CREBZF: variants seen among roughly 807,000 people sequenced by gnomAD.
The protein encoded by CREBZF is HCF-binding transcription factor Zhangfei.
In CREBZF, 8 loss-of-function variants were observed where a neutral mutation model predicts 21.1. The ratio of observed to expected loss-of-function variants is 0.38; its 90% CI spans 0.22 to 0.68. CREBZF has a LOEUF of 0.68. Among genes scored for constraint, CREBZF ranks in the 30% least tolerant of loss-of-function variants. The probability of loss-of-function intolerance (pLI) is 0.51; values close to 1 mark genes in which losing one functional copy is unlikely to be tolerated. For missense variants in CREBZF, 518 were observed against 484.3 expected (o/e 1.07, Z -0.65); for synonymous variants, 270 against 223.3 (o/e 1.21, Z -1.86).
intron 1 of CREBZF, among the ~76,000 whole-genome samples, chr11:85,675,667 C>A (rs940598457): frequency 6.6e-6 from 1 of 152,050 alleles, no homozygotes; most frequent in Non-Finnish European, 1.5e-5. Flanking sequence ...TAGACATGCT[C>A]AACTTATGGT....
chr11:85,668,419 C>T (rs1348339800), upstream of CREBZF, among the ~76,000 whole-genome samples: 1 of 152,140 alleles, frequency 6.6e-6, no homozygotes, highest in Non-Finnish European at 1.5e-5. Flanking sequence ...CTATGTAGGA[C>T]AGCTATTTGT....
Position 85,664,304 on chromosome 11 carries a change from C to T in CREBZF, c.572G>A (p.Gly191Glu). The T allele has an allele frequency of 6.2e-7, 1 of 1,612,104 alleles. No homozygotes were observed. Among genetic ancestry groups the T allele is most frequent in the African/African-American group, 1.3e-5 (1 of 74,994 alleles). Reference protein sequence around the residue: ...SAEKRRRKSPGGGGGGGSGND... With the variant: ...SAEKRRRKSPEGGGGGGSGND... ...ACCGCTGCCGCCACCGCCGCCTCCT[C>T]CTGGGGACTTTCTCCGCCTCTTTTC... The change falls in exon 1 of 1, where the codon GGA becomes GAA. Residue 191 changes from glycine (G) to glutamate (E), a missense_variant. Transcript: ENST00000527447. This position sits in a 1 kb window ranked among gnomAD's most constrained non-coding sequence, Gnocchi z 5.5.
At position 85,663,289 on chromosome 11, in the gene CREBZF, C is replaced by G. The variant is rs2082739593; in HGVS notation, c.*522G>C. ...TGGGGACAGAAGAGCTAGGTACACG[C>G]AAGTCTGAATAAGGGGACACATTAA... On this transcript the variant is annotated 3_prime_UTR_variant, in exon 1 of 1. Coordinates refer to ENST00000527447, the MANE Select transcript of CREBZF (RefSeq NM_001039618.4). 1 of 566,656 alleles carries G rather than the reference C, an allele frequency of 1.8e-6. No individual in the cohort carries two copies. The highest frequency in any genetic ancestry group is 3.1e-5 in the Admixed American group (1 of 32,166). 35.1% of individuals were successfully genotyped at this position (566,656 alleles called of 1,614,324 possible).
In CREBZF at chr11:85,664,228, G is replaced by A. The variant is rs780854731; in HGVS notation, c.648C>T (p.Ala216=). 6.2e-6 allele frequency: 10 copies of A among 1,612,338 alleles called. No individual in the cohort carries two copies. The highest frequency in any genetic ancestry group is 2.2e-5 in the South Asian group (2 of 91,046). ...TCTTCAGTCGATTAAGGCGGGCAGC[G>A]GCCGCCGCCGCCTTCCGGGGACTCT... The part of the protein sequence containing the change: ...ATKSPRKAAA[A]AARLNRLKKK... The change falls in exon 1 of 1, where the codon GCC becomes GCT. Residue 216 remains alanine, a synonymous_variant. Transcript: ENST00000527447. This position sits in a 1 kb window ranked among gnomAD's most constrained non-coding sequence, Gnocchi z 5.5.
Position 85,658,952 on chromosome 11 carries a change from A to C in CREBZF, c.*4859T>G, listed in dbSNP as rs1384124642. The stretch of plus-strand genomic sequence containing the variant: ...TCAACAAAAAGTATGGAATATTTTA[A>C]GACAATAAAGAGTGACTGGTGTTGA... On this transcript the variant is annotated 3_prime_UTR_variant, in exon 1 of 1. Transcript: ENST00000527447. Among the ~76,000 whole-genome samples the C allele has an allele frequency of 1.3e-5, 2 of 152,104 alleles. No individual in the cohort carries two copies. The highest frequency in any genetic ancestry group is 2.9e-5 in the Non-Finnish European group (2 of 67,932).
At chr11:85,672,650 A>C (rs892322087) in intron 1 of CREBZF, among the ~76,000 whole-genome samples, 1 of 152,208 alleles carries the variant, frequency 6.6e-6, no homozygotes, top group Admixed American at 6.5e-5. Context: ...CTGGTTGGTC[A>C]TGGAGGGAGG....
At position 85,664,228 on chromosome 11, in the gene CREBZF, G is replaced by GGCCGCC. The variant is rs759281796; in HGVS notation, c.642_647dup (p.Ala217_Ala218dup). 3 of 1,612,456 alleles carry GGCCGCC rather than the reference G, an allele frequency of 1.9e-6. No homozygotes were observed. The highest frequency in any genetic ancestry group is 2.2e-5 in the South Asian group (2 of 91,042). ...TCTTCAGTCGATTAAGGCGGGCAGCGGCCGCCGCCGCCTTCCGGGGACTCT... is the reference window on the plus strand; with the variant it reads ...TCTTCAGTCGATTAAGGCGGGCAGCGGCCGCCGCCGCCGCCGCCTTCCGGGGACTCT... On this transcript the variant is annotated inframe_insertion, in exon 1 of 1. Coordinates refer to ENST00000527447, the MANE Select transcript of CREBZF (RefSeq NM_001039618.4). The surrounding 1 kb of genome is among the most constrained non-coding windows in gnomAD (Gnocchi z 5.5).
At chr11:85,678,607 G>GT (rs1476758130) in intron 1 of CREBZF, among the ~76,000 whole-genome samples, 4 of 152,112 alleles carry the variant, frequency 2.6e-5, no homozygotes. Flanking sequence ...TTTCTTTGCA[G>GT]TTCTATTTGT....
At position 85,664,176 on chromosome 11, in the gene CREBZF, T is replaced by G; in HGVS notation, c.700A>C (p.Ser234Arg). The G allele has an allele frequency of 1.2e-6, 2 of 1,613,420 alleles. No homozygotes were observed. Among genetic ancestry groups the G allele is most frequent in the Non-Finnish European group, 1.7e-6 (2 of 1,180,014 alleles). The change falls in exon 1 of 1, where the codon AGT (serine) becomes CGT (arginine). Residue 234 changes from serine (S) to arginine (R), a missense_variant. Around this residue, in one of 3 missense-constraint regions of CREBZF, gnomAD observed 396 missense variants for 324.4 expected, o/e 1.22. Transcript: ENST00000527447. The surrounding 1 kb of genome is among the most constrained non-coding windows in gnomAD (Gnocchi z 5.5). The part of the protein sequence containing the change: ...KKKEYVMGLE[S>R]RVRGLAAENQ... ...TCGGCTGCCAGACCCCGGACTCGAC[T>G]CTCCAGCCCCATCACGTACTCCTTC...
chr11:85,669,400 CTA>C (rs1003215537), upstream of CREBZF, among the ~76,000 whole-genome samples: 1 of 97,124 alleles, frequency 1.0e-5, no homozygotes, highest in Non-Finnish European at 1.9e-5. Context: ...TTCAGTCATT[CTA>C]CACACACACA....
chr11:85,673,158 A>C lies in CREBZF; in HGVS notation n.148-9557T>G, dbSNP rs138791259. 6.2e-4 allele frequency among the ~76,000 whole-genome samples: 94 copies of C among 152,314 alleles called. No homozygotes were observed. In the East Asian group the frequency reaches 0.017, roughly 28 times the overall value. ...AGGGGGATTGGAATAGATGAATCCA[A>C]GTCTATCAGATCCTCCCCAAAGACC... On this transcript the variant is annotated intron_variant and non_coding_transcript_variant, in intron 1 of 3. Coordinates refer to the CREBZF transcript ENST00000531515.
intron 1 of CREBZF, among the ~76,000 whole-genome samples, chr11:85,677,767 G>T (rs1029206797): frequency 1.3e-5 from 2 of 152,116 alleles, no homozygotes; most frequent in African/African-American, 4.8e-5. Context: ...GTTTTCAAGT[G>T]GTGACAGTCT....
In CREBZF at chr11:85,664,407, G is replaced by C; in HGVS notation, c.469C>G (p.Gln157Glu). The change falls in exon 1 of 1, where the codon CAG (glutamine) becomes GAG (glutamate). Residue 157 changes from glutamine to glutamate, a missense_variant. Around this residue, in one of 3 missense-constraint regions of CREBZF, gnomAD observed 396 missense variants for 324.4 expected, o/e 1.22. Coordinates refer to ENST00000527447, the MANE Select transcript of CREBZF (RefSeq NM_001039618.4). The surrounding 1 kb of genome is among the most constrained non-coding windows in gnomAD (Gnocchi z 5.5). ...CTTTGCAGCAGGTCAGAGAAGCGCTGCATTTCAGCAGCCGCGGCCTCATCG... is the reference window on the plus strand; with the variant it reads ...CTTTGCAGCAGGTCAGAGAAGCGCTCCATTTCAGCAGCCGCGGCCTCATCG... ...DDDEAAAAEM[Q>E]RFSDLLQRLL... 1 of 1,613,826 alleles carries C rather than the reference G, an allele frequency of 6.2e-7. No homozygotes were observed. Among genetic ancestry groups the C allele is most frequent in the Non-Finnish European group, 8.5e-7 (1 of 1,180,020 alleles).
At chr11:85,682,694 A>T (rs1483012217) in intron 1 of CREBZF, 19 of 651,342 alleles carry the variant, frequency 2.9e-5, no homozygotes, top group South Asian at 4.9e-5. Context: ...ACACTCCAGT[A>T]CCCGGAATTC....
chr11:85,666,240 T>C (rs984702422), upstream of CREBZF, among the ~76,000 whole-genome samples: 1 of 152,190 alleles, frequency 6.6e-6, no homozygotes, highest in Admixed American at 6.5e-5. Context: ...AGTTTACAAA[T>C]ACAGATATTT....
chr11:85,662,275 A>G lies in CREBZF; in HGVS notation c.*1536T>C, dbSNP rs1465851741. The G allele has an allele frequency of 6.5e-6, 4 of 612,350 alleles. No homozygotes were observed. The highest frequency in any genetic ancestry group is 1.2e-5 in the Non-Finnish European group (4 of 330,660). The allele number at this position is 612,350 out of a possible 1,614,324, so 37.9% of individuals were successfully genotyped here. A position where few individuals can be genotyped will look rare whatever the true frequency, so the allele number is the denominator to read the frequency against. On this transcript the variant is annotated 3_prime_UTR_variant, in exon 1 of 1. Coordinates refer to ENST00000527447, the MANE Select transcript of CREBZF (RefSeq NM_001039618.4). ...TAACAAAATAAAACATTTTATGTGT[A>G]AGATAACTTACATCTTTGGACTGCT... is the stretch of plus-strand genomic sequence containing the variant.
chr11:85,682,613 AACGCGATCTTCCAGACGCGCTCTTC>A, intron 1 of CREBZF: 1 of 11,046 alleles, frequency 9.1e-5, no homozygotes, highest in Non-Finnish European at 1.7e-4. Flanking sequence ...TACTCCCCCC[AACGCGATCTTCCAGACGCGCTCTTC>A]CCCCATATAA....
chr11:85,679,758 C>G (rs2082964675), intron 1 of CREBZF, among the ~76,000 whole-genome samples: 1 of 152,204 alleles, frequency 6.6e-6, no homozygotes, highest in Admixed American at 6.5e-5. Context: ...GAAGCAGCAG[C>G]TTCCAGCTGA....
intron 1 of CREBZF, among the ~76,000 whole-genome samples, chr11:85,677,996 C>A (rs1488071537): frequency 6.6e-6 from 1 of 152,174 alleles, no homozygotes; most frequent in Non-Finnish European, 1.5e-5. Flanking sequence ...AATAAATGTT[C>A]AATTAATTCT....
Sources: allele counts gnomAD v4.1 joint callset (sites outside exome capture counted in the v4.1 genomes callset), GRCh38; gene constraint gnomAD v4.1.1; regional missense constraint gnomAD v4.1.1; non-coding constraint Gnocchi (gnomAD v3.1); transcripts MANE v1.5; gene names NCBI Gene and HGNC (gene_info 2026-07-23, HGNC 2026-07-21).